DNAH2: variants seen among roughly 807,000 people sequenced by gnomAD.
DNAH2 encodes the protein axonemal beta dynein heavy chain 2.
DNAH2 carries 323 observed loss-of-function variants against 523.5 expected under a neutral mutation model. The observed-to-expected ratio is 0.62, with a 90% CI of 0.56 to 0.68. The LOEUF is 0.68. Ranked by LOEUF, DNAH2 falls within the 30% of genes least tolerant of loss-of-function variation. DNAH2 has a pLI of 0.00. For synonymous variants in DNAH2, 2,093 were observed against 2,177.4 expected, an observed-to-expected ratio of 0.96 and a Z score of 1.08; for missense variants, 4,907 against 5,701.5, an observed-to-expected ratio of 0.86 and a Z score of 4.49.
intron 63 of DNAH2, among the ~76,000 whole-genome samples, chr17:7,812,555 G>T (rs147610383): frequency 2.0e-5 from 3 of 151,814 alleles, no homozygotes; most frequent in Admixed American, 2.0e-4. Flanking sequence ...AAGGTTGAGG[G>T]TGCAGTGAGC....
In DNAH2 at chr17:7,780,567, T is replaced by G; in HGVS notation, c.5851-63T>G. 330 of 1,588,140 alleles carry G rather than the reference T, an allele frequency of 2.1e-4. No homozygotes were observed. The highest frequency in any genetic ancestry group is 2.6e-4 in the Non-Finnish European group (303 of 1,162,072). The stretch of plus-strand genomic sequence containing the variant: ...CCTGGCTTCTTGTCTCTGACTGTCC[T>G]GAGATGAAGCAGAGGGATTTGTGGG... On this transcript the variant is annotated intron_variant, in intron 37 of 85. Coordinates refer to ENST00000572933, the MANE Select transcript of DNAH2 (RefSeq NM_020877.5). This position sits in a 1 kb window ranked among gnomAD's most constrained non-coding sequence, Gnocchi z 4.4.
At position 7,759,094 on chromosome 17, in the gene DNAH2, C is replaced by T. The variant is rs2075930303; in HGVS notation, c.2418C>T (p.Ser806=). Residue 806 remains serine (S), a synonymous_variant, in exon 15 of 86, where the codon TCC becomes TCT. Coordinates refer to ENST00000572933, the MANE Select transcript of DNAH2 (RefSeq NM_020877.5). The part of the protein sequence containing the change: ...HQDVVTIMTN[S]YEVFKNDGPE... Reference sequence around the variant, plus strand: ...ATGTGGTGACCATCATGACCAACTCCTATGAGGTCTTCAAGAATGATGGTC... The same window carrying T: ...ATGTGGTGACCATCATGACCAACTCTTATGAGGTCTTCAAGAATGATGGTC... The T allele has an allele frequency of 2.5e-6, 4 of 1,614,070 alleles. No individual in the cohort carries two copies. Among genetic ancestry groups the T allele is most frequent in the African/African-American group, 1.3e-5 (1 of 74,930 alleles).
At chr17:7,742,846 GCA>G in intron 11 of DNAH2, 80 bp from the exon 12 acceptor site, 1 of 1,005,798 alleles carries the variant, frequency 9.9e-7, no homozygotes, top group South Asian at 2.9e-5. Context: ...GCGCATGCGC[GCA>G]TGTGTAGGTC....
At chr17:7,739,712 T>A (rs776028474) in intron 8 of DNAH2, 21 bp from the exon 9 acceptor site, 1 of 1,608,104 alleles carries the variant, frequency 6.2e-7, no homozygotes, top group Non-Finnish European at 8.5e-7. Flanking sequence ...GCAGGAACCC[T>A]CATGCTGTCT....
At chr17:7,805,569 G>A (rs1201534149) in intron 61 of DNAH2, among the ~76,000 whole-genome samples, 176 bp downstream of exon 61, 1 of 152,180 alleles carries the variant, frequency 6.6e-6, no homozygotes, top group Non-Finnish European at 1.5e-5. Flanking sequence ...CTTTGGTTGT[G>A]GGTCGAGTGT....
At chr17:7,766,557 C>T in intron 22 of DNAH2, 76 bp downstream of exon 22, 1 of 1,415,768 alleles carries the variant, frequency 7.1e-7, no homozygotes, top group Non-Finnish European at 9.4e-7. Context: ...TTAGCGCCCA[C>T]AAAGGCAGTG....
intron 13 of DNAH2, among the ~76,000 whole-genome samples, chr17:7,758,039 G>T (rs992700300): frequency 1.3e-5 from 2 of 152,226 alleles, no homozygotes; most frequent in African/African-American, 4.8e-5. Flanking sequence ...AAATTTCTCA[G>T]CCCAGTTAAA....
rs2076624153 is a variant in DNAH2 at position 7,782,341 on chromosome 17, A to T, written c.6129+1174A>T. 2.6e-5 allele frequency among the ~76,000 whole-genome samples: 4 copies of T among 152,172 alleles called. No homozygotes were observed. The South Asian group carries it at 8.3e-4, about 32-fold the overall frequency. On this transcript the variant is annotated intron_variant, in intron 39 of 85. Transcript: ENST00000572933. ...AGAAAAAGACCAAATTTTCTTTGAG[A>T]TTTCCTAACCACACACCAGCTCTCA...
intron 11 of DNAH2, 45 bp from the exon 12 acceptor site, chr17:7,742,883 G>GACCATTAAAAA: frequency 7.6e-7 from 1 of 1,323,124 alleles, no homozygotes; most frequent in Non-Finnish European, 9.8e-7. Context: ...GCCCCTGGAG[G>GACCATTAAAAA]AAGGTGGCAG....
chr17:7,812,656 C>A (rs2077547174), intron 63 of DNAH2, among the ~76,000 whole-genome samples: 2 of 151,192 alleles, frequency 1.3e-5, no homozygotes. Context: ...TGCGGTGGCT[C>A]ACGCCTGGAA....
At position 7,798,766 on chromosome 17, in the gene DNAH2, A is replaced by G. The variant is rs1441176330; in HGVS notation, c.8559+48A>G. ...GACCAGTCAGTTCTTTGGCCTGCCT[A>G]GCTGACCCCAGAAGGACCACAGCTC... On this transcript the variant is annotated intron_variant, in intron 55 of 85. Transcript: ENST00000572933. The surrounding 1 kb of genome is among the most constrained non-coding windows in gnomAD (Gnocchi z 5.5). The G allele has an allele frequency of 1.3e-6, 2 of 1,581,568 alleles. No individual in the cohort carries two copies. The highest frequency in any genetic ancestry group is 2.2e-5 in the South Asian group (2 of 89,088).
At chr17:7,787,718 G>T (rs565752932) in intron 42 of DNAH2, 142 bp from the exon 43 acceptor site, 2 of 1,153,984 alleles carry the variant, frequency 1.7e-6, no homozygotes, top group Non-Finnish European at 2.3e-6. Context: ...CCTGGGTGAC[G>T]GAGTGAGACT....
Position 7,832,983 on chromosome 17 carries a change from G to C in DNAH2, c.12978+55G>C. 6.2e-7 allele frequency: 1 copy of C among 1,613,790 alleles called. No individual in the cohort carries two copies. The highest frequency in any genetic ancestry group is 8.5e-7 in the Non-Finnish European group (1 of 1,179,858). ...GCAAAAGAGGGTACTGGAAATAATT[G>C]GACGAAAAGGGAGGAGAGAGGGAGC... On this transcript the variant is annotated intron_variant, in intron 84 of 85. Coordinates refer to ENST00000572933, the MANE Select transcript of DNAH2 (RefSeq NM_020877.5). This position sits in a 1 kb window ranked among gnomAD's most constrained non-coding sequence, Gnocchi z 4.3.
intron 18 of DNAH2, among the ~76,000 whole-genome samples, chr17:7,761,304 A>C (rs2075998105): frequency 6.6e-6 from 1 of 152,044 alleles, no homozygotes; most frequent in African/African-American, 2.4e-5. Flanking sequence ...TTGCTCTGTC[A>C]TTGCCTAGGC....
At chr17:7,771,199 G>A (rs993091674) in intron 27 of DNAH2, 131 bp from the exon 28 acceptor site, 20 of 1,345,686 alleles carry the variant, frequency 1.5e-5, no homozygotes, top group African/African-American at 4.4e-5. Context: ...TGTAGAACTT[G>A]GGCATCTTGG....
At chr17:7,777,028 T>C (rs1262695927) in intron 32 of DNAH2, 139 bp downstream of exon 32, 4 of 650,430 alleles carry the variant, frequency 6.1e-6, no homozygotes, top group Non-Finnish European at 1.0e-5. Flanking sequence ...TACCAAAAAA[T>C]ACAAAAATTA....
intron 56 of DNAH2, among the ~76,000 whole-genome samples, chr17:7,801,063 G>A (rs570051484): frequency 6.6e-6 from 1 of 151,572 alleles, no homozygotes; most frequent in African/African-American, 2.4e-5. Flanking sequence ...TGTAGAGATG[G>A]GGTTTCGCCA....
chr17:7,740,614 G>C, intron 10 of DNAH2, 65 bp downstream of exon 10: 5 of 1,594,376 alleles, frequency 3.1e-6, no homozygotes, highest in Non-Finnish European at 4.3e-6. Flanking sequence ...CCCTCCTTCC[G>C]GAGGCCCTCC....
rs766750471 is a variant in DNAH2, at chr17:7,786,611, G to C, written c.6390G>C (p.Leu2130=). ...CCAAGGCATTGTCCCTAGGGGAACT[G>C]TATGGGGAATATGACCTCAGCACCA... ...LNPKALSLGE[L]YGEYDLSTNE... Residue 2130 remains leucine, a synonymous_variant, in exon 41 of 86, where the codon CTG becomes CTC. Transcript: ENST00000572933. This position sits in a 1 kb window ranked among gnomAD's most constrained non-coding sequence, Gnocchi z 7.5. 12 of 1,613,990 alleles carry C rather than the reference G, an allele frequency of 7.4e-6. No homozygotes were observed. Among genetic ancestry groups the C allele is most frequent in the African/African-American group, 5.3e-5 (4 of 74,926 alleles).
Sources: gnomAD v4.1 joint callset for allele counts (sites outside exome capture counted in the v4.1 genomes callset) on GRCh38, gnomAD v4.1.1 for gene constraint, Gnocchi (gnomAD v3.1) non-coding constraint, MANE v1.5 for transcripts, NCBI Gene and HGNC (gene_info 2026-07-23, HGNC 2026-07-21) for gene names.